NVL: variants seen among roughly 807,000 people sequenced by gnomAD.
NVL encodes nuclear VCP like.
A neutral mutation model predicts 110.2 loss-of-function variants in NVL; 84 were observed. The observed-to-expected ratio is 0.76, with a 90% CI of 0.64 to 0.91. The LOEUF (loss-of-function observed/expected upper bound fraction) is 0.91, where lower values mean the gene tolerates loss of function less well. NVL is among the 40% of genes least tolerant of loss of function. NVL has a pLI of 0.00. For missense variants in NVL, 882 were observed against 1,035.9 expected (o/e 0.85, Z 2.04); for synonymous variants, 354 against 361.1 (o/e 0.98, Z 0.22).
At position 224,227,502 on chromosome 1, in the gene NVL, T is replaced by G. The variant is rs1659313807; in HGVS notation, c.*124A>C. On this transcript the variant is annotated 3_prime_UTR_variant, in exon 23 of 23. Coordinates refer to ENST00000281701, the MANE Select transcript of NVL (RefSeq NM_002533.4). ...TTCAGCTTCAGCTTGGCCTCATTCA[T>G]TTGAAAATAAAATGTTTACATGAGG... 1 of 665,806 alleles carries G rather than the reference T, an allele frequency of 1.5e-6. No homozygotes were observed. The highest frequency in any genetic ancestry group is 3.3e-5 in the East Asian group (1 of 30,668). The allele number at this position is 665,806 out of a possible 1,614,324, so 41.2% of individuals were successfully genotyped here. A position where few individuals can be genotyped will look rare whatever the true frequency, so the allele number is the denominator to read the frequency against.
At chr1:224,319,083 A>G (rs1670378457) in intron 2 of NVL, among the ~76,000 whole-genome samples, 2 of 123,746 alleles carry the variant, frequency 1.6e-5, no homozygotes, top group South Asian at 6.2e-4. Flanking sequence ...TGAACCCAGG[A>G]GGCGGAGGTT....
chr1:224,295,935 A>T (rs1423275616), intron 11 of NVL, among the ~76,000 whole-genome samples: 3 of 145,976 alleles, frequency 2.1e-5, no homozygotes, highest in African/African-American at 7.7e-5. Context: ...AGTGCACTCA[A>T]GCCTAGGCAA....
At chr1:224,303,177 G>A (rs1668585796) in intron 9 of NVL, among the ~76,000 whole-genome samples, 1 of 152,230 alleles carries the variant, frequency 6.6e-6, no homozygotes, top group African/African-American at 2.4e-5. Context: ...ACTCACACCT[G>A]TAATCCTAGC....
intron 7 of NVL, 74 bp downstream of exon 7, chr1:224,304,960 A>G: frequency 6.3e-7 from 1 of 1,583,492 alleles, no homozygotes; most frequent in Non-Finnish European, 8.6e-7. Flanking sequence ...CCCTCAAGCA[A>G]AATAGCTTGG....
chr1:224,328,010 C>A (rs1671304131), intron 1 of NVL, among the ~76,000 whole-genome samples: 1 of 151,986 alleles, frequency 6.6e-6, no homozygotes, highest in African/African-American at 2.4e-5. Context: ...GGGTTTTACT[C>A]TAGATGTCTG....
At chr1:224,237,287 GAGA>G (rs533954061) in intron 19 of NVL, among the ~76,000 whole-genome samples, 1 of 152,220 alleles carries the variant, frequency 6.6e-6, no homozygotes, top group Non-Finnish European at 1.5e-5. Flanking sequence ...CTGGCCAGGA[GAGA>G]AGGAGCAGTA....
intron 19 of NVL, among the ~76,000 whole-genome samples, chr1:224,239,469 T>G (rs10799551): frequency 0.86 from 130,462 of 152,024 alleles, 56,331 homozygotes; most frequent in South Asian, 0.9. Context: ...TGCCACATTA[T>G]GTAGGAGCCC....
chr1:224,298,562 G>T, intron 10 of NVL: 2 of 221,316 alleles, frequency 9.0e-6, no homozygotes, highest in South Asian at 1.6e-4. Flanking sequence ...GAAGGAGCCT[G>T]AACTGCTGGA....
chr1:224,315,237 T>C (rs1478103970), intron 4 of NVL, among the ~76,000 whole-genome samples: 1 of 152,058 alleles, frequency 6.6e-6, no homozygotes, highest in Non-Finnish European at 1.5e-5. Context: ...AAATTTTCTG[T>C]AGAGACAGAG....
chr1:224,303,713 C>T lies in NVL; in HGVS notation c.960+10G>A. ...AACAGCAAAAGCAAACAAATGTCAGCAAGCCTCACCCCAGCAATTGCATGT... is the reference window on the plus strand; with the variant it reads ...AACAGCAAAAGCAAACAAATGTCAGTAAGCCTCACCCCAGCAATTGCATGT... On this transcript the variant is annotated intron_variant, in intron 9 of 22. Coordinates refer to ENST00000281701, the MANE Select transcript of NVL (RefSeq NM_002533.4). 9 of 1,599,344 alleles carry T rather than the reference C, an allele frequency of 5.6e-6. No homozygotes were observed. Among genetic ancestry groups the T allele is most frequent in the Non-Finnish European group, 7.7e-6 (9 of 1,173,148 alleles).
At chr1:224,308,362 T>G in intron 5 of NVL, 99 bp from the exon 6 acceptor site, 1 of 1,069,034 alleles carries the variant, frequency 9.4e-7, no homozygotes, top group Non-Finnish European at 1.3e-6. Context: ...ATTTTGTTTT[T>G]TAACAACTTC....
At chr1:224,275,607 T>A (rs1665690153) in intron 16 of NVL, 149 bp from the exon 17 acceptor site, 4 of 954,518 alleles carry the variant, frequency 4.2e-6, no homozygotes, top group Non-Finnish European at 6.2e-6. Context: ...ATTGCTGATA[T>A]TTAACCATTT....
At chr1:224,318,446 T>G (rs1045080911) in intron 2 of NVL, among the ~76,000 whole-genome samples, 5 of 151,356 alleles carry the variant, frequency 3.3e-5, no homozygotes, top group African/African-American at 1.2e-4. Flanking sequence ...CTACAAAATA[T>G]TAAAAATTAG....
intron 16 of NVL, among the ~76,000 whole-genome samples, chr1:224,278,364 C>G (rs1665981933): frequency 6.6e-6 from 1 of 151,254 alleles, no homozygotes; most frequent in South Asian, 2.1e-4. Context: ...TCCTGAGTAG[C>G]TGGGATTACA....
At chr1:224,258,220 T>A (rs1447972062) in intron 18 of NVL, among the ~76,000 whole-genome samples, 1 of 152,116 alleles carries the variant, frequency 6.6e-6, no homozygotes, top group African/African-American at 2.4e-5. Flanking sequence ...AATAACCTAA[T>A]TGAAAAATGA....
At chr1:224,257,008 C>T (rs1265047407) in intron 18 of NVL, 5 of 509,702 alleles carry the variant, frequency 9.8e-6, no homozygotes, top group African/African-American at 5.8e-5. Flanking sequence ...AACTGGTTCC[C>T]TATCTAATTA....
intron 17 of NVL, among the ~76,000 whole-genome samples, chr1:224,275,059 AT>A (rs1665618970): frequency 6.6e-6 from 1 of 152,230 alleles, no homozygotes; most frequent in Non-Finnish European, 1.5e-5. Flanking sequence ...AAGGCAAGCT[AT>A]TTAAAACAAT....
intron 2 of NVL, among the ~76,000 whole-genome samples, chr1:224,320,646 CAA>C (rs776623845): frequency 1.5e-5 from 2 of 130,614 alleles, no homozygotes. Flanking sequence ...GACTCCATCT[CAA>C]AAAAAAAAAA....
intron 12 of NVL, among the ~76,000 whole-genome samples, chr1:224,292,996 G>A (rs1009836552): frequency 1.3e-5 from 2 of 151,602 alleles, no homozygotes; most frequent in Non-Finnish European, 2.9e-5. Flanking sequence ...CTCAAGTGAT[G>A]CACCCGCCTC....
Sources: allele counts gnomAD v4.1 joint callset (sites outside exome capture counted in the v4.1 genomes callset), GRCh38; gene constraint gnomAD v4.1.1; transcripts MANE v1.5; gene names NCBI Gene and HGNC (gene_info 2026-07-23, HGNC 2026-07-21).